Variants in VPS13C observed in about 807,000 individuals in gnomAD.
VPS13C encodes the protein intermembrane lipid transfer protein VPS13C.
Under a neutral mutation model 456.8 loss-of-function variants are expected in VPS13C, and 358 were observed. The observed-to-expected ratio is 0.78, with a 90% confidence interval of 0.72 to 0.86. The LOEUF is 0.86. VPS13C is among the 40% of genes least tolerant of loss of function. The probability of loss-of-function intolerance (pLI) is 0.00; values close to 1 mark genes in which losing one functional copy is unlikely to be tolerated. For missense variants in VPS13C, 4,818 were observed against 4,385.4 expected (o/e 1.10, Z -2.79); for synonymous variants, 1,578 against 1,486.7 (o/e 1.06, Z -1.41).
intron 78 of VPS13C, among the ~76,000 whole-genome samples, chr15:61,872,384 G>C (rs757661142): frequency 6.6e-6 from 1 of 152,010 alleles, no homozygotes; most frequent in Non-Finnish European, 1.5e-5. Flanking sequence ...TGAGTGAGTT[G>C]AGCCAAATAA....
intron 82 of VPS13C, among the ~76,000 whole-genome samples, chr15:61,860,954 T>C (rs75426248): frequency 5.0e-4 from 49 of 97,084 alleles, no homozygotes; most frequent in Admixed American, 1.1e-3. Context: ...ATTTTCTTTC[T>C]TTTTTTTTTT....
At position 61,963,854 on chromosome 15, in the gene VPS13C, G is replaced by A. The variant is rs754718320; in HGVS notation, c.3312C>T (p.Ile1104=). The stretch of plus-strand genomic sequence containing the variant: ...TTTTACCTTGAATCTTGATTTCGGC[G>A]ATATTGTTCTTTTCGTTGCAAACAA... ...CVIVCNEKNN[I]AEIKIQGLDS... Residue 1104 remains isoleucine, a synonymous_variant, in exon 32 of 85, where the codon ATC becomes ATT. Transcript: ENST00000644861. The A allele has an allele frequency of 5.0e-6, 8 of 1,608,502 alleles. No homozygotes were observed. Among genetic ancestry groups the A allele is most frequent in the African/African-American group, 1.3e-5 (1 of 74,660 alleles).
intron 1 of VPS13C, among the ~76,000 whole-genome samples, chr15:62,047,971 G>A (rs1043753610): frequency 1.3e-5 from 2 of 151,204 alleles, no homozygotes; most frequent in Non-Finnish European, 2.9e-5. Flanking sequence ...AATAACTTTA[G>A]TGCTATAGCC....
intron 23 of VPS13C, among the ~76,000 whole-genome samples, chr15:61,977,566 A>C (rs2045742035): frequency 6.6e-6 from 1 of 152,006 alleles, no homozygotes; most frequent in Admixed American, 6.6e-5. Flanking sequence ...GAGGAAAAAC[A>C]AGAAAAAAGA....
At chr15:62,020,667 A>T in intron 8 of VPS13C, 129 bp from the exon 9 acceptor site, 2 of 737,234 alleles carry the variant, frequency 2.7e-6, no homozygotes, top group East Asian at 5.8e-5. Context: ...TTTGTGGAAA[A>T]CACAGGGGAA....
rs539599759 is a variant in VPS13C, at chr15:61,906,581, C to T, written c.9105+683G>A. 4 of 152,420 alleles carry T rather than the reference C, an allele frequency of 2.6e-5. No homozygotes were observed. In the East Asian group the frequency reaches 7.7e-4, roughly 29 times the overall value. 9.4% of individuals were successfully genotyped at this position (152,420 alleles called of 1,614,324 possible). On this transcript the variant is annotated intron_variant, in intron 66 of 84. Transcript: ENST00000644861. ...CCAATTACCATTTTAAAGCAAAAGT[C>T]AAGAAAGCCTTTTAACAGCTGGCAT...
chr15:62,019,194 T>C (rs1360206475), intron 9 of VPS13C, among the ~76,000 whole-genome samples: 1 of 152,184 alleles, frequency 6.6e-6, no homozygotes, highest in African/African-American at 2.4e-5. Flanking sequence ...CCTTTACTAG[T>C]CTTACTAGCA....
intron 81 of VPS13C, among the ~76,000 whole-genome samples, chr15:61,868,240 T>G (rs1894732102): frequency 6.6e-6 from 1 of 152,130 alleles, no homozygotes; most frequent in Admixed American, 6.6e-5. Flanking sequence ...CATAATCTTT[T>G]ATTCTCTCAT....
intron 43 of VPS13C, 96 bp from the exon 44 acceptor site, chr15:61,946,506 G>A (rs2044609304): frequency 2.5e-6 from 2 of 803,140 alleles, no homozygotes; most frequent in Non-Finnish European, 3.7e-6. Context: ...GATATAAAGT[G>A]AATAAAAATT....
chr15:62,050,518 G>A lies in VPS13C; in HGVS notation c.101-6263C>T, dbSNP rs190818291. 1.6e-3 allele frequency among the ~76,000 whole-genome samples: 238 copies of A among 152,310 alleles called. 4 individuals carry two copies. Among genetic ancestry groups the A allele is most frequent in the South Asian group, 0.014 (67 of 4,830 alleles). On this transcript the variant is annotated intron_variant, in intron 1 of 84. Transcript: ENST00000644861. The stretch of plus-strand genomic sequence containing the variant: ...TTAAGAAATATACTAAAAGGGCCAG[G>A]TGCAGTGAGTGGCTCATGCCTGTAA...
At chr15:61,914,292 T>C (rs886523294) in intron 61 of VPS13C, among the ~76,000 whole-genome samples, 9 of 152,136 alleles carry the variant, frequency 5.9e-5, no homozygotes, top group Middle Eastern at 3.4e-3. Flanking sequence ...TCAGGTGCCA[T>C]GCGTGGTGGC....
At chr15:62,013,891 G>A in intron 10 of VPS13C, 42 bp downstream of exon 10, 1 of 1,378,396 alleles carries the variant, frequency 7.3e-7, no homozygotes, top group Non-Finnish European at 1.0e-6. Context: ...TAAATTAAGT[G>A]CACCTAGGAA....
intron 67 of VPS13C, among the ~76,000 whole-genome samples, chr15:61,887,790 G>C (rs958162735): frequency 6.6e-6 from 1 of 151,978 alleles, no homozygotes; most frequent in African/African-American, 2.4e-5. Flanking sequence ...GCTAACTTTC[G>C]GTATAGTGGA....
Position 62,023,342 on chromosome 15 carries a change from A to G in VPS13C, c.624+69T>C. The G allele has an allele frequency of 4.2e-6, 4 of 950,496 alleles. No homozygotes were observed. The South Asian group carries it at 9.1e-5, about 22-fold the overall frequency. 58.9% of individuals were successfully genotyped at this position (950,496 alleles called of 1,614,324 possible). A position where few individuals can be genotyped will look rare whatever the true frequency, so the allele number is the denominator to read the frequency against. Reference sequence around the variant, plus strand: ...TTAAAAATGGGCACAGATAATCCACATATAGAAAAGTCAAGAATATTATAA... The same window carrying G: ...TTAAAAATGGGCACAGATAATCCACGTATAGAAAAGTCAAGAATATTATAA... On this transcript the variant is annotated intron_variant, in intron 8 of 84. Transcript: ENST00000644861.
chr15:61,854,825 G>A lies in VPS13C; in HGVS notation c.11160+46C>T, dbSNP rs763944302. The A allele has an allele frequency of 2.4e-5, 36 of 1,526,762 alleles. No homozygotes were observed. In the Admixed American group the frequency reaches 7.2e-4, roughly 30 times the overall value. The allele number at this position is 1,526,762 out of a possible 1,614,324, so 94.6% of individuals were successfully genotyped here. A position where few individuals can be genotyped will look rare whatever the true frequency, so the allele number is the denominator to read the frequency against. On this transcript the variant is annotated intron_variant, in intron 84 of 84. Transcript: ENST00000644861. ...TTCATTATAAGAGGCTTTTAAAAAA[G>A]TATTTCAGCTAAAAAAAATTGAGGC...
intron 63 of VPS13C, 57 bp from the exon 64 acceptor site, chr15:61,910,362 G>C: frequency 1.6e-6 from 2 of 1,263,084 alleles, no homozygotes; most frequent in Non-Finnish European, 2.0e-6. Context: ...TAATAAATAA[G>C]ACATTACCTA....
intron 6 of VPS13C, among the ~76,000 whole-genome samples, chr15:62,026,141 A>C (rs2047630026): frequency 7.0e-6 from 1 of 141,898 alleles, no homozygotes; most frequent in Admixed American, 7.4e-5. Flanking sequence ...AAAAGGGGGG[A>C]GCATATTCAT....
intron 61 of VPS13C, 49 bp from the exon 62 acceptor site, chr15:61,913,464 A>C: frequency 3.3e-6 from 5 of 1,497,366 alleles, no homozygotes; most frequent in Non-Finnish European, 4.6e-6. Context: ...AAACACTATA[A>C]TAATTTTATT....
chr15:61,950,113 T>C (rs994153022), intron 41 of VPS13C, among the ~76,000 whole-genome samples: 1 of 152,140 alleles, frequency 6.6e-6, no homozygotes, highest in African/African-American at 2.4e-5. Context: ...TTAAGTGTAT[T>C]ATTCACATAC....
Sources: gnomAD v4.1 joint callset for allele counts (sites outside exome capture counted in the v4.1 genomes callset) on GRCh38, gnomAD v4.1.1 for gene constraint, MANE v1.5 for transcripts, NCBI Gene and HGNC (gene_info 2026-07-23, HGNC 2026-07-21) for gene names.